Variants in ZIC4 observed in about 807,000 individuals in gnomAD.
The protein encoded by ZIC4 is zinc finger protein ZIC 4.
In ZIC4, 15 loss-of-function variants were observed where a neutral mutation model predicts 28.8. The observed-to-expected ratio is 0.52, with a 90% CI of 0.35 to 0.80. The LOEUF (loss-of-function observed/expected upper bound fraction) is 0.80. ZIC4 is among the 30% of genes least tolerant of loss of function. The pLI is 0.01. For synonymous variants in ZIC4, 220 were observed against 198.1 expected, an observed-to-expected ratio of 1.11 and a Z score of -0.93; for missense variants, 512 against 467.1, an observed-to-expected ratio of 1.10 and a Z score of -0.89.
At chr3:147,400,994 A>T (rs1347116762) in intron 2 of ZIC4, among the ~76,000 whole-genome samples, 1 of 152,194 alleles carries the variant, frequency 6.6e-6, no homozygotes, top group Non-Finnish European at 1.5e-5. Context: ...AGAGAAAAAG[A>T]GTATCTCACA....
At chr3:147,391,477 G>C in intron 3 of ZIC4, 2 of 491,988 alleles carry the variant, frequency 4.1e-6, no homozygotes. Flanking sequence ...TGGGCTCATG[G>C]GGAGGGTATG....
intron 3 of ZIC4, among the ~76,000 whole-genome samples, chr3:147,395,194 G>A (rs1212490184): frequency 6.6e-6 from 1 of 152,194 alleles, no homozygotes; most frequent in Non-Finnish European, 1.5e-5. Context: ...GCTCTTGAAC[G>A]ATACTCCTTT....
At chr3:147,388,972 G>A in intron 4 of ZIC4, 113 bp from the exon 5 acceptor site, 3 of 700,574 alleles carry the variant, frequency 4.3e-6, no homozygotes, top group Admixed American at 4.8e-5. Flanking sequence ...AGAAACAGAA[G>A]ACAAAGAAAA....
intron 1 of ZIC4, among the ~76,000 whole-genome samples, chr3:147,403,276 G>A (rs2087206551): frequency 6.6e-6 from 1 of 152,308 alleles, no homozygotes; most frequent in Middle Eastern, 3.4e-3. Context: ...TTGGAACCAA[G>A]AGGAGAGGAA....
chr3:147,401,608 A>G (rs1054794176), intron 2 of ZIC4, among the ~76,000 whole-genome samples: 2 of 152,228 alleles, frequency 1.3e-5, no homozygotes, highest in African/African-American at 4.8e-5. Context: ...ATTCCTACAC[A>G]GGGAGTTTGC....
chr3:147,404,823 C>A (rs979234658), intron 1 of ZIC4, among the ~76,000 whole-genome samples: 1 of 152,176 alleles, frequency 6.6e-6, no homozygotes, highest in Non-Finnish European at 1.5e-5. Context: ...CCGACCTAGC[C>A]GGCGCAGGAC....
chr3:147,405,844 T>G (rs1409252017), intron 1 of ZIC4: 2 of 300,478 alleles, frequency 6.7e-6, no homozygotes, highest in Non-Finnish European at 1.3e-5. Flanking sequence ...ACTTGGCGCT[T>G]TGACCCTGGA....
intron 2 of ZIC4, among the ~76,000 whole-genome samples, chr3:147,399,930 T>C (rs1325299768): frequency 6.6e-6 from 1 of 152,170 alleles, no homozygotes; most frequent in African/African-American, 2.4e-5. Context: ...CCTCCCACAG[T>C]GCTGGGATTA....
chr3:147,401,251 G>A (rs1198163491), intron 2 of ZIC4, among the ~76,000 whole-genome samples: 1 of 152,066 alleles, frequency 6.6e-6, no homozygotes, highest in Non-Finnish European at 1.5e-5. Context: ...CCATCTGCCA[G>A]AGCTCCTTAA....
chr3:147,405,961 G>A (rs1170133595), intron 1 of ZIC4: 3 of 164,770 alleles, frequency 1.8e-5, no homozygotes, highest in African/African-American at 4.8e-5. Flanking sequence ...CGCGAGGGAA[G>A]CTCTGGGCCA....
chr3:147,397,452 A>C (rs1279557144), intron 2 of ZIC4, among the ~76,000 whole-genome samples: 3 of 148,914 alleles, frequency 2.0e-5, no homozygotes, highest in African/African-American at 7.5e-5. Flanking sequence ...TCCACTGCTC[A>C]TGCGCTCTGA....
intron 1 of ZIC4, among the ~76,000 whole-genome samples, chr3:147,403,153 C>G (rs976894898): frequency 9.2e-5 from 14 of 151,718 alleles, no homozygotes; most frequent in Non-Finnish European, 1.9e-4. Context: ...GAATTAATTG[C>G]GTAAGAAACC....
At position 147,386,518 on chromosome 3, in the gene ZIC4, C is replaced by G. The variant is rs530075460; in HGVS notation, c.*2341G>C. 6.6e-6 allele frequency: 1 copy of G among 152,638 alleles called. No homozygotes were observed. Among genetic ancestry groups the G allele is most frequent in the Non-Finnish European group, 1.5e-5 (1 of 68,036 alleles). 9.5% of individuals were successfully genotyped at this position (152,638 alleles called of 1,614,324 possible). ...GAACATTTTGCAGCAACTATAATAA[C>G]AGCATGGGTTACAGCTTGGAAAAAC... On this transcript the variant is annotated 3_prime_UTR_variant, in exon 5 of 5. Transcript: ENST00000383075.
intron 3 of ZIC4, chr3:147,391,454 C>T: frequency 1.8e-6 from 1 of 552,468 alleles, no homozygotes; most frequent in Non-Finnish European, 3.1e-6. Context: ...CCATCCCTCC[C>T]GCCTTCCTCC....
chr3:147,403,163 C>T (rs1053005507), intron 1 of ZIC4, among the ~76,000 whole-genome samples: 1 of 151,864 alleles, frequency 6.6e-6, no homozygotes, highest in African/African-American at 2.4e-5. Flanking sequence ...CGTAAGAAAC[C>T]TTATTATTTT....
At position 147,388,558 on chromosome 3, in the gene ZIC4, G is replaced by T; in HGVS notation, c.*301C>A. The T allele has an allele frequency of 2.5e-6, 1 of 399,696 alleles. No homozygotes were observed. The highest frequency in any genetic ancestry group is 4.4e-6 in the Non-Finnish European group (1 of 226,354). The allele number at this position is 399,696 out of a possible 1,614,324, so 24.8% of individuals were successfully genotyped here. On this transcript the variant is annotated 3_prime_UTR_variant, in exon 5 of 5. Transcript: ENST00000383075. Reference sequence around the variant, plus strand: ...CCATTCGCGTGGGTTTTGTTTACCGGAAATTAAATGAAAATGATTTAGTCC... The same window carrying T: ...CCATTCGCGTGGGTTTTGTTTACCGTAAATTAAATGAAAATGATTTAGTCC...
At position 147,386,074 on chromosome 3, in the gene ZIC4, A is replaced by AT; in HGVS notation, c.*2784dup. 6.6e-6 allele frequency: 1 copy of AT among 152,340 alleles called. No homozygotes were observed. Among genetic ancestry groups the AT allele is most frequent in the East Asian group, 1.9e-4 (1 of 5,184 alleles). The allele number at this position is 152,340 out of a possible 1,614,324, so 9.4% of individuals were successfully genotyped here. ...AAAAGAGGAAGAGAAACATCACATTATTTATTTCCAAAGAAAATAGCCAAA... is the reference window on the plus strand; with the variant it reads ...AAAAGAGGAAGAGAAACATCACATTATTTTATTTCCAAAGAAAATAGCCAAA... On this transcript the variant is annotated 3_prime_UTR_variant, in exon 5 of 5. Coordinates refer to ENST00000383075, the MANE Select transcript of ZIC4 (RefSeq NM_032153.6).
At chr3:147,402,627 T>C in intron 2 of ZIC4, 101 bp downstream of exon 2, 18 of 1,112,044 alleles carry the variant, frequency 1.6e-5, no homozygotes, top group East Asian at 2.4e-5. Flanking sequence ...CAACCCAACA[T>C]AAACAAAAGA....
In ZIC4 at chr3:147,396,211, G is replaced by A; in HGVS notation, c.329C>T (p.Pro110Leu). 1 of 1,614,040 alleles carries A rather than the reference G, an allele frequency of 6.2e-7. No homozygotes were observed. The highest frequency in any genetic ancestry group is 1.3e-5 in the African/African-American group (1 of 75,068). The part of the protein sequence containing the change: ...GMNLTVNLAA[P>L]HGPGAFFRYM... ...GCGGAAGAAAGCGCCAGGACCGTGG[G>A]GCGCAGCGAGGTTCACCGTCAGGTT... The change falls in exon 3 of 5, where the codon CCC becomes CTC. Residue 110 changes from proline (P) to leucine (L), a missense_variant. By Grantham distance (98) the Pro-to-Leu change is moderately conservative. This residue lies in a region of ZIC4 where 310 missense variants were observed against 256.5 expected (regional missense o/e 1.21). Coordinates refer to ENST00000383075, the MANE Select transcript of ZIC4 (RefSeq NM_032153.6). The surrounding 1 kb of genome is among the most constrained non-coding windows in gnomAD (Gnocchi z 4.2).
Sources: gnomAD v4.1 joint callset for allele counts (sites outside exome capture counted in the v4.1 genomes callset) on GRCh38, gnomAD v4.1.1 for gene constraint, gnomAD v4.1.1 regional missense constraint, Gnocchi (gnomAD v3.1) non-coding constraint, MANE v1.5 for transcripts, NCBI Gene and HGNC (gene_info 2026-07-23, HGNC 2026-07-21) for gene names.